Variants in CDC42BPA observed in about 807,000 individuals in gnomAD.
CDC42BPA encodes the protein CDC42 binding protein kinase alpha.
CDC42BPA carries 80 observed loss-of-function variants against 223.5 expected under a neutral mutation model. That is an observed-to-expected ratio of 0.36 (90% CI 0.30 to 0.43). The LOEUF (loss-of-function observed/expected upper bound fraction) is 0.43, where lower values mean the gene tolerates loss of function less well. CDC42BPA is among the 20% of genes least tolerant of loss of function. The pLI, the probability that CDC42BPA is intolerant of heterozygous loss-of-function variation, is 1.00. For synonymous variants in CDC42BPA, 694 were observed against 718.6 expected (o/e 0.97, Z 0.55); for missense variants, 1,743 against 2,099.9 (o/e 0.83, Z 3.32).
intron 11 of CDC42BPA, among the ~76,000 whole-genome samples, chr1:227,124,048 A>T (rs1571803322): frequency 6.6e-6 from 1 of 152,120 alleles, no homozygotes; most frequent in Non-Finnish European, 1.5e-5. Flanking sequence ...TTTTTTATTT[A>T]AAAAAATTTT....
chr1:227,208,757 A>G (rs935797791), intron 3 of CDC42BPA, among the ~76,000 whole-genome samples: 13 of 152,072 alleles, frequency 8.5e-5, no homozygotes, highest in African/African-American at 3.1e-4. Context: ...TGGTTACTGT[A>G]GCCTTGTAGT....
chr1:227,150,647 G>T (rs570853883), intron 6 of CDC42BPA, among the ~76,000 whole-genome samples: 24 of 152,110 alleles, frequency 1.6e-4, no homozygotes, highest in Middle Eastern at 6.8e-3. Context: ...TATGAACAAA[G>T]ATATTAGTAA....
At chr1:227,068,660 CA>C in intron 21 of CDC42BPA, 6 of 1,196,790 alleles carry the variant, frequency 5.0e-6, no homozygotes, top group East Asian at 1.6e-4. Flanking sequence ...TTACGTCATC[CA>C]AAAAATCAAT....
intron 10 of CDC42BPA, among the ~76,000 whole-genome samples, chr1:227,129,856 G>T (rs1330961391): frequency 6.6e-6 from 1 of 151,844 alleles, no homozygotes; most frequent in Non-Finnish European, 1.5e-5. Context: ...TCAGTCAGAT[G>T]CTATACGAAG....
In CDC42BPA at chr1:227,112,343, T is replaced by G. The variant is rs1413879169; in HGVS notation, c.1970A>C (p.Lys657Thr). Reference protein sequence around the residue: ...KLREQSEHYSKQLENELEGLK... With the variant: ...KLREQSEHYSTQLENELEGLK... ...TCCCTCCAATTCATTTTCCAGTTGCTTAGAATAGTGCTCACTCTGTTCACG... is the reference window on the plus strand; with the variant it reads ...TCCCTCCAATTCATTTTCCAGTTGCGTAGAATAGTGCTCACTCTGTTCACG... Residue 657 changes from lysine (K) to threonine (T), a missense_variant, in exon 14 of 37, where the codon AAG (lysine) becomes ACG (threonine). Transcript: ENST00000366766. The G allele has an allele frequency of 6.2e-7, 1 of 1,602,480 alleles. No individual in the cohort carries two copies. The highest frequency in any genetic ancestry group is 2.3e-5 in the East Asian group (1 of 44,314).
chr1:227,047,209 C>G (rs1672622960), intron 23 of CDC42BPA, among the ~76,000 whole-genome samples: 1 of 151,994 alleles, frequency 6.6e-6, no homozygotes, highest in African/African-American at 2.4e-5. Flanking sequence ...ATTTTTCTTC[C>G]TAACTACCTT....
chr1:227,261,854 T>G (rs1025282337), intron 1 of CDC42BPA, among the ~76,000 whole-genome samples: 2 of 151,498 alleles, frequency 1.3e-5, no homozygotes, highest in Non-Finnish European at 2.9e-5. Context: ...CAACCTAGGG[T>G]GTTGGTGGGG....
chr1:227,039,551 C>A (rs186403451), intron 24 of CDC42BPA, among the ~76,000 whole-genome samples: 1 of 152,208 alleles, frequency 6.6e-6, no homozygotes, highest in African/African-American at 2.4e-5. Context: ...ACTTTCTTTT[C>A]TGTTCACATG....
chr1:227,257,640 G>A (rs1035557315), intron 1 of CDC42BPA, among the ~76,000 whole-genome samples: 2 of 150,680 alleles, frequency 1.3e-5, no homozygotes, highest in African/African-American at 5.0e-5. Context: ...TGTAATCCCA[G>A]CTACTTGGGA....
At chr1:227,093,786 T>C (rs1221316434) in intron 15 of CDC42BPA, among the ~76,000 whole-genome samples, 3 of 152,208 alleles carry the variant, frequency 2.0e-5, no homozygotes, top group Non-Finnish European at 4.4e-5. Context: ...AAATAAACTC[T>C]ATATTAATTT....
At chr1:227,224,049 G>A (rs981059861) in intron 2 of CDC42BPA, among the ~76,000 whole-genome samples, 7 of 152,082 alleles carry the variant, frequency 4.6e-5, no homozygotes, top group African/African-American at 1.4e-4. Flanking sequence ...GGGTTCACTG[G>A]GACATAACAC....
intron 5 of CDC42BPA, among the ~76,000 whole-genome samples, chr1:227,189,571 G>C (rs1383822265): frequency 6.6e-6 from 1 of 152,142 alleles, no homozygotes; most frequent in Non-Finnish European, 1.5e-5. Context: ...AACACATGGG[G>C]AATCTGATAG....
chr1:227,034,924 G>GATAT, intron 25 of CDC42BPA, 130 bp from the exon 26 acceptor site: 2 of 726,498 alleles, frequency 2.8e-6, no homozygotes, highest in Non-Finnish European at 4.2e-6. Context: ...CATTCTGGTT[G>GATAT]GTAAAGTAGC....
At chr1:227,140,194 C>G (rs1012252383) in intron 9 of CDC42BPA, among the ~76,000 whole-genome samples, 25 of 152,104 alleles carry the variant, frequency 1.6e-4, no homozygotes, top group African/African-American at 5.8e-4. Context: ...GCTGAAACTG[C>G]TGGACATTTG....
intron 1 of CDC42BPA, among the ~76,000 whole-genome samples, chr1:227,306,622 T>C (rs541547559): frequency 6.6e-6 from 1 of 152,332 alleles, no homozygotes; most frequent in South Asian, 2.1e-4. Flanking sequence ...TCTAGGAGAA[T>C]CTCTATAAGT....
chr1:227,205,405 A>G (rs1672544321), intron 3 of CDC42BPA, among the ~76,000 whole-genome samples: 1 of 151,900 alleles, frequency 6.6e-6, no homozygotes, highest in South Asian at 2.1e-4. Flanking sequence ...AAAACAATAC[A>G]TATTTTAGTG....
Position 227,147,548 on chromosome 1 carries a change from T to C in CDC42BPA, c.705A>G (p.Ser235=), listed in dbSNP as rs1475260085. The C allele has an allele frequency of 1.9e-6, 3 of 1,598,304 alleles. No individual in the cohort carries two copies. The highest frequency in any genetic ancestry group is 2.6e-6 in the Non-Finnish European group (3 of 1,172,472). Residue 235 remains serine (S), a synonymous_variant, in exon 7 of 37, where the codon TCA becomes TCG. Coordinates refer to ENST00000366766, the MANE Select transcript of CDC42BPA (RefSeq NM_001394014.1). ...TATAATCTGGAGTTCCTACAGCCAC[T>C]GAGGACTGAACCTGAAGAAATTTAC... ...KLMEDGTVQS[S]VAVGTPDYIS...
At chr1:227,029,908 G>T (rs531394683) in intron 29 of CDC42BPA, among the ~76,000 whole-genome samples, 1 of 151,844 alleles carries the variant, frequency 6.6e-6, no homozygotes, top group South Asian at 2.1e-4. Flanking sequence ...GCCAAGGCGG[G>T]TGGATCACCT....
chr1:227,127,090 A>C (rs972282182), intron 11 of CDC42BPA, among the ~76,000 whole-genome samples: 4 of 152,198 alleles, frequency 2.6e-5, no homozygotes, highest in Non-Finnish European at 5.9e-5. Flanking sequence ...ATACAAAATA[A>C]ACATATAAAA....
Sources: gnomAD v4.1 joint callset for allele counts (sites outside exome capture counted in the v4.1 genomes callset) on GRCh38, gnomAD v4.1.1 for gene constraint, MANE v1.5 for transcripts, NCBI Gene and HGNC (gene_info 2026-07-23, HGNC 2026-07-21) for gene names.